Variants in ARL15 observed in about 807,000 individuals in gnomAD.
The protein encoded by ARL15 is ADP-ribosylation factor-like protein 15.
A neutral mutation model predicts 25.2 loss-of-function variants in ARL15; 19 were observed. The observed-to-expected ratio is 0.75, with a 90% CI of 0.53 to 1.10. The LOEUF (loss-of-function observed/expected upper bound fraction) is 1.10, where lower values mean the gene tolerates loss of function less well. Among genes scored for constraint, ARL15 ranks in the 50% least tolerant of loss-of-function variants. The pLI, the probability that ARL15 is intolerant of heterozygous loss-of-function variation, is 0.00. For synonymous variants in ARL15, 94 were observed against 86.8 expected (o/e 1.08, Z -0.46); for missense variants, 220 against 246.0 (o/e 0.89, Z 0.71).
chr5:54,061,884 G>A (rs927781924), intron 4 of ARL15, among the ~76,000 whole-genome samples: 10 of 152,092 alleles, frequency 6.6e-5, no homozygotes, highest in African/African-American at 1.4e-4. Flanking sequence ...CCTTGCACCC[G>A]GATAAGCCAC....
chr5:54,065,738 T>C (rs1001403130), intron 4 of ARL15, among the ~76,000 whole-genome samples: 1 of 152,190 alleles, frequency 6.6e-6, no homozygotes, highest in Non-Finnish European at 1.5e-5. Context: ...TGAGATGTGC[T>C]ATATGCATAA....
chr5:54,033,526 A>G (rs547121345), intron 4 of ARL15, among the ~76,000 whole-genome samples: 165 of 143,946 alleles, frequency 1.1e-3, no homozygotes, highest in Middle Eastern at 4.1e-3. Flanking sequence ...ACAAAAGTTA[A>G]CTGGGTGTGG....
At chr5:53,968,125 G>C (rs980018855) in intron 4 of ARL15, among the ~76,000 whole-genome samples, 1 of 152,074 alleles carries the variant, frequency 6.6e-6, no homozygotes, top group African/African-American at 2.4e-5. Flanking sequence ...TAGACTTCTG[G>C]TTTCGTCTCT....
intron 4 of ARL15, among the ~76,000 whole-genome samples, chr5:54,063,417 C>T (rs1185243565): frequency 6.6e-6 from 1 of 152,228 alleles, no homozygotes; most frequent in Non-Finnish European, 1.5e-5. Flanking sequence ...ATTCTGTAAT[C>T]CCTGAGTCCA....
chr5:53,965,624 C>CTT (rs755943456), intron 4 of ARL15, among the ~76,000 whole-genome samples: 2 of 142,208 alleles, frequency 1.4e-5, no homozygotes, highest in Non-Finnish European at 1.5e-5. Flanking sequence ...TTCTGTTTTT[C>CTT]TTTTTTTTTT....
intron 1 of ARL15, among the ~76,000 whole-genome samples, chr5:54,270,599 G>A (rs746561237): frequency 3.3e-5 from 5 of 152,186 alleles, no homozygotes; most frequent in Non-Finnish European, 7.4e-5. Flanking sequence ...TCTAGGCACT[G>A]GAGATACAGC....
At chr5:54,092,074 C>CACACACACT (rs1561220828) in intron 4 of ARL15, among the ~76,000 whole-genome samples, 4 of 95,970 alleles carry the variant, frequency 4.2e-5, no homozygotes, top group African/African-American at 1.5e-4. Context: ...ACACACACAC[C>CACACACACT]ACCACCACCA....
chr5:53,961,271 G>A (rs1580120469), intron 4 of ARL15, among the ~76,000 whole-genome samples: 1 of 152,082 alleles, frequency 6.6e-6, no homozygotes, highest in South Asian at 2.1e-4. Flanking sequence ...GCCAAGGTGG[G>A]TGGATCACCC....
intron 4 of ARL15, among the ~76,000 whole-genome samples, chr5:53,922,165 C>G (rs879900466): frequency 2.6e-5 from 4 of 152,152 alleles, no homozygotes; most frequent in Admixed American, 6.5e-5. Flanking sequence ...TCTGGTATGC[C>G]TTAGTTTGTG....
At chr5:54,212,240 A>T (rs564208465) in intron 1 of ARL15, among the ~76,000 whole-genome samples, 3 of 152,332 alleles carry the variant, frequency 2.0e-5, no homozygotes, top group Non-Finnish European at 4.4e-5. Context: ...CAAAATGTCA[A>T]TCCCTGGTTT....
chr5:54,001,237 G>A (rs1004393220), intron 4 of ARL15, among the ~76,000 whole-genome samples: 5 of 152,068 alleles, frequency 3.3e-5, no homozygotes, highest in Non-Finnish European at 7.4e-5. Flanking sequence ...TCATTTCCTT[G>A]CATTATGTAC....
At chr5:54,282,382 T>C (rs1758080445) in intron 1 of ARL15, 1 of 985,332 alleles carries the variant, frequency 1.0e-6, no homozygotes, top group African/African-American at 1.7e-5. Context: ...CAAAGAACTG[T>C]CTTCATTCCC....
chr5:54,006,078 A>C (rs1305544030), intron 4 of ARL15, among the ~76,000 whole-genome samples: 1 of 149,936 alleles, frequency 6.7e-6, no homozygotes. Flanking sequence ...AAAAAAAAGA[A>C]TGCTTTATTG....
intron 3 of ARL15, among the ~76,000 whole-genome samples, chr5:54,141,672 C>G (rs562391535): frequency 3.1e-4 from 47 of 152,288 alleles, no homozygotes; most frequent in African/African-American, 1.1e-3. Context: ...AAAGTTTTCT[C>G]ATGACCCTTT....
chr5:54,241,147 T>C (rs879647091), intron 1 of ARL15, among the ~76,000 whole-genome samples: 4 of 152,126 alleles, frequency 2.6e-5, no homozygotes, highest in African/African-American at 4.8e-5. Context: ...TTACTAAAAA[T>C]AAGCCTGCCT....
In ARL15 at chr5:53,922,827, AAC is replaced by A. The variant is rs369000273; in HGVS notation, c.463-36116_463-36115del. On this transcript the variant is annotated intron_variant, in intron 4 of 4. Coordinates refer to ENST00000504924, the MANE Select transcript of ARL15 (RefSeq NM_019087.3). ...TGAGCTGTGTAGATCCTGAACCAGA[AAC>A]ACAAGAGAAAAACAATCTGAAAACT... 1.1e-3 allele frequency among the ~76,000 whole-genome samples: 147 copies of A among 136,392 alleles called. 3 individuals carry two copies. The highest frequency in any genetic ancestry group is 3.7e-3 in the African/African-American group (136 of 36,554). The allele number at this position is 136,392 out of a possible 152,430, so 89.5% of individuals were successfully genotyped here. A position where few individuals can be genotyped will look rare whatever the true frequency, so the allele number is the denominator to read the frequency against.
intron 4 of ARL15, among the ~76,000 whole-genome samples, chr5:53,950,218 C>T (rs1283202833): frequency 6.6e-6 from 1 of 150,442 alleles, no homozygotes; most frequent in Non-Finnish European, 1.5e-5. Context: ...TGCTTGAGGC[C>T]AGGAGTTCAG....
chr5:54,154,763 A>G (rs922018353), intron 2 of ARL15, 124 bp from the exon 3 acceptor site: 7 of 583,778 alleles, frequency 1.2e-5, no homozygotes, highest in Non-Finnish European at 1.8e-5. Flanking sequence ...GCTGATATTT[A>G]TACTAGAAAC....
At chr5:54,081,998 C>T (rs951575430) in intron 4 of ARL15, among the ~76,000 whole-genome samples, 2 of 150,826 alleles carry the variant, frequency 1.3e-5, no homozygotes, top group Admixed American at 6.6e-5. Flanking sequence ...GGCTAAGGCA[C>T]GAGAACTGCT....
Sources: allele counts gnomAD v4.1 joint callset (sites outside exome capture counted in the v4.1 genomes callset), GRCh38; gene constraint gnomAD v4.1.1; transcripts MANE v1.5; gene names NCBI Gene and HGNC (gene_info 2026-07-23, HGNC 2026-07-21).